The following ZC3H12B variants were observed in gnomAD, a reference collection of about 807,000 sequenced individuals.
ZC3H12B encodes probable ribonuclease ZC3H12B.
Under a neutral mutation model 43.9 loss-of-function variants are expected in ZC3H12B, and 7 were observed. That is an observed-to-expected ratio of 0.16 (90% confidence interval 0.09 to 0.30). The LOEUF (loss-of-function observed/expected upper bound fraction) is 0.30. Among genes scored for constraint, ZC3H12B ranks in the 10% least tolerant of loss-of-function variants. The probability of loss-of-function intolerance (pLI) is 1.00; values close to 1 mark genes in which losing one functional copy is unlikely to be tolerated. For synonymous variants in ZC3H12B, 222 were observed against 241.7 expected, an observed-to-expected ratio of 0.92 and a Z score of 0.76; for missense variants, 475 against 670.2, an observed-to-expected ratio of 0.71 and a Z score of 3.22.
chrX:65,257,063 G>A, the ZC3H12B span, among the ~76,000 whole-genome samples: 1 of 112,008 alleles, frequency 8.9e-6, no homozygotes, highest in Admixed American at 9.4e-5. Context: ...CAGGGATCTA[G>A]AACTAGAAAT....
chrX:65,171,251 C>T, the ZC3H12B span, among the ~76,000 whole-genome samples: 1 of 111,547 alleles, frequency 9.0e-6, no homozygotes, highest in South Asian at 3.7e-4. Context: ...TGTTAGTTTT[C>T]CTTCTAACAG....
At position 65,502,294 on chromosome X, in the gene ZC3H12B, G is replaced by A. The variant is rs1402324933; in HGVS notation, c.1596G>A (p.Glu532=). 5 of 1,209,487 alleles carry A rather than the reference G, an allele frequency of 4.1e-6. No individual in the cohort carries two copies. In the Admixed American group the frequency reaches 1.1e-4, roughly 26 times the overall value. Reference sequence around the variant, plus strand: ...ATGGGACCCCTATTAGCTATGCTGAGCAATACCCAAAGTTTGAATCCATGG... The same window carrying A: ...ATGGGACCCCTATTAGCTATGCTGAACAATACCCAAAGTTTGAATCCATGG... The change falls in exon 5 of 5, where the codon GAG becomes GAA. Residue 532 remains glutamate, a synonymous_variant. Coordinates refer to ENST00000338957, the Ensembl canonical transcript of ZC3H12B.
chrX:65,214,686 A>G, the ZC3H12B span, among the ~76,000 whole-genome samples: 2 of 110,873 alleles, frequency 1.8e-5, no homozygotes, highest in Non-Finnish European at 1.9e-5. Flanking sequence ...AACTCACCTA[A>G]ATCTCTGTTA....
the ZC3H12B span, among the ~76,000 whole-genome samples, chrX:65,181,844 C>T: frequency 2.7e-5 from 3 of 111,742 alleles, no homozygotes; most frequent in Non-Finnish European, 3.8e-5. Context: ...GACAGTGTGG[C>T]GATTCCTCAA....
chrX:65,174,238 C>T, the ZC3H12B span, among the ~76,000 whole-genome samples: 184 of 112,324 alleles, frequency 1.6e-3, no homozygotes, highest in African/African-American at 5.7e-3. Context: ...ACTTGGACAT[C>T]AGGGATGCAG....
chrX:65,384,689 C>G (rs2066496780), intron 2 of ZC3H12B, among the ~76,000 whole-genome samples: 1 of 111,019 alleles, frequency 9.0e-6, no homozygotes, highest in Non-Finnish European at 1.9e-5. Context: ...TGTAAATGGA[C>G]TAAATTCTAC....
At chrX:65,307,821 T>G in the ZC3H12B span, among the ~76,000 whole-genome samples, 1 of 111,594 alleles carries the variant, frequency 9.0e-6, no homozygotes. Flanking sequence ...ACACAAACAT[T>G]TAAAGTTGTC....
At chrX:65,417,690 A>G (rs937207033) in intron 3 of ZC3H12B, among the ~76,000 whole-genome samples, 3 of 112,689 alleles carry the variant, frequency 2.7e-5, no homozygotes, top group East Asian at 5.6e-4. Flanking sequence ...GTCAGCATTT[A>G]TCTCCTCCCC....
At chrX:65,311,072 G>A in the ZC3H12B span, among the ~76,000 whole-genome samples, 1 of 111,972 alleles carries the variant, frequency 8.9e-6, no homozygotes, top group Non-Finnish European at 1.9e-5. Flanking sequence ...ATACTATTCA[G>A]GACATAGGCA....
chrX:65,143,375 C>T, the ZC3H12B span, among the ~76,000 whole-genome samples: 8 of 110,444 alleles, frequency 7.2e-5, no homozygotes, highest in African/African-American at 2.0e-4. Context: ...CCTTGCATGC[C>T]GATATTGTTG....
the ZC3H12B span, among the ~76,000 whole-genome samples, chrX:65,099,864 A>C: frequency 5.4e-5 from 6 of 111,737 alleles, no homozygotes; most frequent in Non-Finnish European, 9.4e-5. Context: ...CAAGGGTGCA[A>C]ACTGGACAGA....
chrX:65,247,817 C>A, the ZC3H12B span, among the ~76,000 whole-genome samples: 564 of 111,552 alleles, frequency 5.1e-3, 2 homozygotes, highest in African/African-American at 0.016. Context: ...ATCCGTGCAG[C>A]AAACCTGCAT....
chrX:65,448,955 A>AAGAAAAAGAAAG (rs1556209273), intron 3 of ZC3H12B, among the ~76,000 whole-genome samples: 3 of 58,966 alleles, frequency 5.1e-5, no homozygotes, highest in East Asian at 4.5e-4. Flanking sequence ...GAAAGAAAGA[A>AAGAAAAAGAAAG]AAAGAAAGAA....
At chrX:65,101,451 G>A in the ZC3H12B span, among the ~76,000 whole-genome samples, 55 of 111,608 alleles carry the variant, frequency 4.9e-4, no homozygotes, top group Non-Finnish European at 7.9e-4. Flanking sequence ...ATGAATCGAG[G>A]AGCTGGTTTT....
At chrX:65,096,536 T>G in the ZC3H12B span, among the ~76,000 whole-genome samples, 9 of 111,816 alleles carry the variant, frequency 8.0e-5, no homozygotes, top group Admixed American at 8.6e-4. Context: ...GGCCTGTTAA[T>G]AGACTGGGTA....
rs181521624 is a variant in ZC3H12B at position 65,391,221 on chromosome X, G to T, written n.296-7372G>T. Among the ~76,000 whole-genome samples the T allele has an allele frequency of 6.0e-3, 672 of 111,777 alleles. 6 individuals carry two copies. Among genetic ancestry groups the T allele is most frequent in the African/African-American group, 0.02 (624 of 30,762 alleles). On this transcript the variant is annotated intron_variant and non_coding_transcript_variant, in intron 2 of 5. Transcript: ENST00000617377. ...CTTCATGGCTTTTCCAATATAAAAG[G>T]TTTACAAAATCTATTTATACCTTAT...
At chrX:65,363,772 C>T (rs1391746054), upstream of ZC3H12B, among the ~76,000 whole-genome samples, 2 of 112,149 alleles carry the variant, frequency 1.8e-5, no homozygotes, top group Admixed American at 9.4e-5. Flanking sequence ...CGCTCCCGCC[C>T]TAATACTTTT....
the ZC3H12B span, among the ~76,000 whole-genome samples, chrX:65,203,312 G>A: frequency 9.0e-6 from 1 of 111,483 alleles, no homozygotes; most frequent in African/African-American, 3.3e-5. Flanking sequence ...TCTTTCCATA[G>A]CCACCACAGC....
the ZC3H12B span, among the ~76,000 whole-genome samples, chrX:65,192,856 C>T: frequency 9.0e-6 from 1 of 111,255 alleles, no homozygotes; most frequent in Admixed American, 9.6e-5. Context: ...TGCAGTGGCA[C>T]AATCTCGACT....
Sources: allele counts gnomAD v4.1 joint callset (sites outside exome capture counted in the v4.1 genomes callset), GRCh38; gene constraint gnomAD v4.1.1; transcripts MANE v1.5; gene names NCBI Gene and HGNC (gene_info 2026-07-23, HGNC 2026-07-21).